Variants in ARK2C observed in about 807,000 individuals in gnomAD.
The protein encoded by ARK2C is E3 ubiquitin-protein ligase ARK2C.
chr18:46,409,605 A>G, the ARK2C span, among the ~76,000 whole-genome samples: 1 of 152,120 alleles, frequency 6.6e-6, no homozygotes, highest in Non-Finnish European at 1.5e-5. Flanking sequence ...GGTGCAGAGG[A>G]GGGACCTCTG....
the ARK2C span, among the ~76,000 whole-genome samples, chr18:46,441,363 G>T: frequency 6.6e-6 from 1 of 152,174 alleles, no homozygotes; most frequent in Non-Finnish European, 1.5e-5. Flanking sequence ...GGGATTACAG[G>T]TGTGTGCCAC....
At chr18:46,369,458 G>T in the ARK2C span, among the ~76,000 whole-genome samples, 1 of 152,162 alleles carries the variant, frequency 6.6e-6, no homozygotes, top group African/African-American at 2.4e-5. Context: ...AGACAGGCCA[G>T]CTTCCGGGGA....
chr18:46,339,805 A>C, the ARK2C span, among the ~76,000 whole-genome samples: 3 of 152,210 alleles, frequency 2.0e-5, no homozygotes, highest in Non-Finnish European at 2.9e-5. Context: ...AGACCACCAA[A>C]AGTGTTGAGG....
At chr18:46,405,728 C>T in the ARK2C span, among the ~76,000 whole-genome samples, 1 of 152,030 alleles carries the variant, frequency 6.6e-6, no homozygotes, top group Admixed American at 6.5e-5. Flanking sequence ...GTATTTGGGC[C>T]ATCCAGGATG....
chr18:46,433,581 C>T, the ARK2C span: 1 of 1,305,688 alleles, frequency 7.7e-7, no homozygotes, highest in Non-Finnish European at 1.0e-6. Flanking sequence ...GTGGGCAGGG[C>T]CAGGACGAGG....
the ARK2C span, among the ~76,000 whole-genome samples, chr18:46,389,935 C>T: frequency 6.6e-6 from 1 of 152,052 alleles, no homozygotes; most frequent in Admixed American, 6.5e-5. Context: ...TGCCATGTTG[C>T]CCAGGCTGGT....
chr18:46,427,936 C>T, the ARK2C span, among the ~76,000 whole-genome samples: 9 of 152,192 alleles, frequency 5.9e-5, no homozygotes, highest in East Asian at 1.9e-4. Flanking sequence ...ACGGACCTTT[C>T]GAGATGGGAA....
At chr18:46,406,722 C>T in the ARK2C span, among the ~76,000 whole-genome samples, 1 of 152,222 alleles carries the variant, frequency 6.6e-6, no homozygotes, top group South Asian at 2.1e-4. Context: ...GGGCACAGGG[C>T]CAGCCACCGG....
the ARK2C span, among the ~76,000 whole-genome samples, chr18:46,414,811 T>C: frequency 1.3e-5 from 2 of 152,174 alleles, no homozygotes; most frequent in South Asian, 2.1e-4. Context: ...GGAAAGGCCA[T>C]ATGAGTGGCC....
chr18:46,358,052 T>G, the ARK2C span, among the ~76,000 whole-genome samples: 2 of 152,174 alleles, frequency 1.3e-5, no homozygotes, highest in Non-Finnish European at 2.9e-5. Context: ...CAGTATGACC[T>G]CATCTGAACT....
chr18:46,433,759 T>TC, the ARK2C span, among the ~76,000 whole-genome samples: 35 of 152,314 alleles, frequency 2.3e-4, no homozygotes, highest in South Asian at 6.6e-3. Flanking sequence ...TGACAGGGGC[T>TC]CCCTCAGAAG....
the ARK2C span, among the ~76,000 whole-genome samples, chr18:46,403,486 T>A: frequency 1.3e-5 from 2 of 152,302 alleles, no homozygotes; most frequent in Admixed American, 1.3e-4. Context: ...ATTATTTCTA[T>A]CCACAGACAT....
chr18:46,344,209 G>C, the ARK2C span, among the ~76,000 whole-genome samples: 1 of 152,202 alleles, frequency 6.6e-6, no homozygotes, highest in Admixed American at 6.5e-5. Flanking sequence ...TGGAGAGGGG[G>C]TGGAGGAGCT....
At chr18:46,450,047 A>G in the ARK2C span, among the ~76,000 whole-genome samples, 1 of 152,226 alleles carries the variant, frequency 6.6e-6, no homozygotes, top group Non-Finnish European at 1.5e-5. Flanking sequence ...TAGTCACGTT[A>G]AGTGCTTAGA....
At chr18:46,398,469 G>A in the ARK2C span, among the ~76,000 whole-genome samples, 2 of 152,164 alleles carry the variant, frequency 1.3e-5, no homozygotes, top group Non-Finnish European at 1.5e-5. Context: ...GTGCCTGCTG[G>A]TGGGCACAGG....
At chr18:46,456,088 A>C in the ARK2C span, 2 of 1,548,576 alleles carry the variant, frequency 1.3e-6, no homozygotes, top group Non-Finnish European at 1.8e-6. Context: ...GAGGTAGGAG[A>C]CCGCCATTTT....
the ARK2C span, among the ~76,000 whole-genome samples, chr18:46,449,737 C>A: frequency 2.6e-5 from 4 of 152,326 alleles, no homozygotes; most frequent in South Asian, 8.3e-4. Flanking sequence ...GAGGTGCTTT[C>A]CACCATGGCT....
the ARK2C span, among the ~76,000 whole-genome samples, chr18:46,363,775 G>A: frequency 6.6e-6 from 1 of 152,146 alleles, no homozygotes; most frequent in Non-Finnish European, 1.5e-5. Context: ...TACTTTTTAA[G>A]GTTGGGTCTC....
chr18:46,398,269 A>C, the ARK2C span, among the ~76,000 whole-genome samples: 1 of 150,592 alleles, frequency 6.6e-6, no homozygotes, highest in Non-Finnish European at 1.5e-5. Flanking sequence ...GTGTGTGTGC[A>C]TGTGGTGTGT....
Sources: gnomAD v4.1 joint callset for allele counts (sites outside exome capture counted in the v4.1 genomes callset) on GRCh38, gnomAD v4.1.1 for gene constraint, MANE v1.5 for transcripts, NCBI Gene and HGNC (gene_info 2026-07-23, HGNC 2026-07-21) for gene names.